ABHD18: variants seen among roughly 807,000 people sequenced by gnomAD.
The protein encoded by ABHD18 is abhydrolase domain containing 18.
A neutral mutation model predicts 65.9 loss-of-function variants in ABHD18; 55 were observed. The observed-to-expected ratio is 0.84, with a 90% CI of 0.67 to 1.05. The LOEUF is 1.05. Among genes scored for constraint, ABHD18 ranks in the 50% least tolerant of loss-of-function variants. ABHD18 has a pLI of 0.00. For missense variants in ABHD18, 533 were observed against 558.5 expected, an observed-to-expected ratio of 0.95 and a Z score of 0.46; for synonymous variants, 181 against 180.2, an observed-to-expected ratio of 1.00 and a Z score of -0.04.
intron 10 of ABHD18, among the ~76,000 whole-genome samples, chr4:128,026,493 T>C (rs1173759865): frequency 6.6e-6 from 1 of 152,058 alleles, no homozygotes; most frequent in African/African-American, 2.4e-5. Flanking sequence ...TGTATTTTGT[T>C]TTCTGTTGCC....
intron 9 of ABHD18, 149 bp from the exon 10 acceptor site, chr4:128,020,988 A>G: frequency 2.0e-6 from 1 of 506,392 alleles, no homozygotes; most frequent in Non-Finnish European, 3.5e-6. Context: ...GAGCCGAGAT[A>G]GTGCCATTGC....
chr4:128,014,946 T>C (rs1393372268), intron 7 of ABHD18, among the ~76,000 whole-genome samples: 1 of 151,894 alleles, frequency 6.6e-6, no homozygotes, highest in Non-Finnish European at 1.5e-5. Flanking sequence ...GGCATGGTGG[T>C]GGGCACCTGT....
intron 12 of ABHD18, among the ~76,000 whole-genome samples, chr4:128,035,550 C>T (rs1168025255): frequency 5.9e-5 from 9 of 151,682 alleles, no homozygotes; most frequent in South Asian, 2.1e-4. Context: ...CCAGCCTGGG[C>T]GACAGAGCGA....
In ABHD18 at chr4:128,008,417, A is replaced by G. The variant is rs368907983; in HGVS notation, c.279-503A>G. Reference sequence around the variant, plus strand: ...CTCCTGAGTAGCTGGAATTACGGGCATGTGCCACCATGCCCGGCTAATTTT... The same window carrying G: ...CTCCTGAGTAGCTGGAATTACGGGCGTGTGCCACCATGCCCGGCTAATTTT... On this transcript the variant is annotated intron_variant, in intron 4 of 12. Coordinates refer to ENST00000645843, the MANE Select transcript of ABHD18 (RefSeq NM_001358451.3). 5.3e-5 allele frequency among the ~76,000 whole-genome samples: 8 copies of G among 151,084 alleles called. No homozygotes were observed. The East Asian group carries it at 5.9e-4, about 11-fold the overall frequency.
At chr4:128,017,251 T>C in intron 7 of ABHD18, 112 bp from the exon 8 acceptor site, 1 of 988,510 alleles carries the variant, frequency 1.0e-6, no homozygotes, top group South Asian at 1.7e-5. Flanking sequence ...TTTACTTAAC[T>C]ATCTGGTCCT....
rs1178664754 is a variant in ABHD18, at chr4:128,039,044, T to C, written c.*3231T>C. 1 of 150,262 alleles carries C rather than the reference T, an allele frequency of 6.7e-6. No homozygotes were observed. Among genetic ancestry groups the C allele is most frequent in the Admixed American group, 6.7e-5 (1 of 15,032 alleles). The allele number at this position is 150,262 out of a possible 1,614,324, so 9.3% of individuals were successfully genotyped here. On this transcript the variant is annotated 3_prime_UTR_variant, in exon 13 of 13. Coordinates refer to ENST00000645843, the MANE Select transcript of ABHD18 (RefSeq NM_001358451.3). ...GTTCTCAAATACATAAATATACACA[T>C]ATACGTATATGTATACGTTTTATAT...
rs771220150 is a variant in ABHD18, at chr4:128,030,582, G to A, written c.1253G>A (p.Arg418Gln). The change falls in exon 12 of 13, where the codon CGA becomes CAA. Residue 418 changes from arginine (R) to glutamine (Q), a missense_variant. Arg to Gln is a conservative substitution (Grantham distance 43). Transcript: ENST00000645843. Reference protein sequence around the residue: ...EDAYIPRTGVRSLQEIWPGCE... With the variant: ...EDAYIPRTGVQSLQEIWPGCE... ...GCCTATATTCCACGAACAGGAGTTC[G>A]AAGTTTACAAGAAATTTGGCCTGGT... The A allele has an allele frequency of 2.3e-5, 37 of 1,608,508 alleles. No homozygotes were observed. The highest frequency in any genetic ancestry group is 1.7e-4 in the South Asian group (15 of 89,730).
At chr4:128,011,590 T>C (rs1312887779) in intron 6 of ABHD18, 83 bp from the exon 7 acceptor site, 1 of 1,054,692 alleles carries the variant, frequency 9.5e-7, no homozygotes, top group East Asian at 2.7e-5. Flanking sequence ...TTAAATTGTG[T>C]AAAATTTAAC....
At chr4:128,034,518 T>C (rs1758650563) in intron 12 of ABHD18, among the ~76,000 whole-genome samples, 1 of 151,974 alleles carries the variant, frequency 6.6e-6, no homozygotes, top group Admixed American at 6.6e-5. Flanking sequence ...GGCTGCAGCG[T>C]GCTATGATTG....
chr4:128,001,210 G>A (rs530602611), intron 4 of ABHD18, among the ~76,000 whole-genome samples: 1 of 152,240 alleles, frequency 6.6e-6, no homozygotes, highest in Non-Finnish European at 1.5e-5. Flanking sequence ...TCCTTGTTTT[G>A]TTCCAGTTCT....
intron 12 of ABHD18, among the ~76,000 whole-genome samples, chr4:128,032,838 A>T (rs747739714): frequency 6.6e-5 from 10 of 152,222 alleles, no homozygotes; most frequent in African/African-American, 9.7e-5. Flanking sequence ...TCACATGATT[A>T]AAAAGGGACA....
At chr4:128,021,071 A>G in intron 9 of ABHD18, 66 bp from the exon 10 acceptor site, 1 of 973,456 alleles carries the variant, frequency 1.0e-6, no homozygotes. Context: ...CACAGTAATA[A>G]TAATAAAAGT....
At chr4:128,015,724 C>T (rs903898962) in intron 7 of ABHD18, among the ~76,000 whole-genome samples, 1 of 151,966 alleles carries the variant, frequency 6.6e-6, no homozygotes, top group Non-Finnish European at 1.5e-5. Context: ...CCTTCTGGCA[C>T]CTGGTTCTTT....
rs778833440 is a variant in ABHD18 at position 128,008,999 on chromosome 4, G to A, written c.357+1G>A. On this transcript the variant is annotated splice_donor_variant, in intron 5 of 12. Transcript: ENST00000645843. LOFTEE classifies it high-confidence loss of function. ...TCATCTTGCTGGAACAGGAGATCAT[G>A]TAAGACTTTATTATAATGCCTTAAT... The A allele has an allele frequency of 7.5e-6, 12 of 1,608,776 alleles. No homozygotes were observed. The highest frequency in any genetic ancestry group is 3.4e-5 in the Admixed American group (2 of 59,118).
intron 3 of ABHD18, among the ~76,000 whole-genome samples, chr4:127,984,686 G>T (rs893060078): frequency 6.6e-6 from 1 of 151,748 alleles, no homozygotes; most frequent in African/African-American, 2.4e-5. Flanking sequence ...GAGAAACCCC[G>T]TCTCTGCTTA....
chr4:128,000,822 G>C (rs955691487), intron 4 of ABHD18, among the ~76,000 whole-genome samples: 1 of 152,068 alleles, frequency 6.6e-6, no homozygotes, highest in Non-Finnish European at 1.5e-5. Context: ...GCAGTGTTTT[G>C]TAATTCTCAT....
chr4:128,005,313 A>G (rs1753420211), intron 4 of ABHD18, among the ~76,000 whole-genome samples: 1 of 152,214 alleles, frequency 6.6e-6, no homozygotes, highest in Non-Finnish European at 1.5e-5. Context: ...TGCTATCATC[A>G]GCTGATTTCC....
chr4:127,996,044 G>A (rs920047623), intron 4 of ABHD18, among the ~76,000 whole-genome samples: 2 of 152,234 alleles, frequency 1.3e-5, no homozygotes, highest in Non-Finnish European at 2.9e-5. Context: ...TTGCTGGAAA[G>A]ATACAGGCAG....
intron 7 of ABHD18, among the ~76,000 whole-genome samples, chr4:128,016,989 C>G (rs538384007): frequency 6.6e-6 from 1 of 152,106 alleles, no homozygotes; most frequent in South Asian, 2.1e-4. Flanking sequence ...GCAGTCTCAG[C>G]TCACTGCAGC....
Sources: gnomAD v4.1 joint callset for allele counts (sites outside exome capture counted in the v4.1 genomes callset) on GRCh38, gnomAD v4.1.1 for gene constraint, MANE v1.5 for transcripts, NCBI Gene and HGNC (gene_info 2026-07-23, HGNC 2026-07-21) for gene names.